The following WWTR1 variants were observed in gnomAD, a reference collection of about 807,000 sequenced individuals.
WWTR1 encodes the protein WW domain containing transcription regulator 1.
A neutral mutation model predicts 40.1 loss-of-function variants in WWTR1; 13 were observed. The observed-to-expected ratio is 0.32, with a 90% confidence interval of 0.21 to 0.52. WWTR1 has a LOEUF of 0.52. WWTR1 is among the 20% of genes least tolerant of loss of function. WWTR1 has a pLI of 0.97. For missense variants in WWTR1, 436 were observed against 523.1 expected (o/e 0.83, Z 1.63); for synonymous variants, 230 against 210.1 (o/e 1.09, Z -0.82).
intron 1 of WWTR1, among the ~76,000 whole-genome samples, chr3:149,685,457 C>T (rs1041064455): frequency 2.0e-5 from 3 of 152,170 alleles, no homozygotes; most frequent in Non-Finnish European, 4.4e-5. Flanking sequence ...CTGGCTGAGG[C>T]CCAGTGAAAC....
chr3:149,559,971 C>G (rs1271319492), intron 3 of WWTR1, among the ~76,000 whole-genome samples: 2 of 152,116 alleles, frequency 1.3e-5, no homozygotes, highest in Non-Finnish European at 2.9e-5. Context: ...GATAGCTGCC[C>G]CTGAGGACCA....
At position 149,695,788 on chromosome 3, in the gene WWTR1, G is replaced by GAAAA. The variant is rs200643602; in HGVS notation, c.-108+7332_-108+7335dup. On this transcript the variant is annotated intron_variant, in intron 1 of 7. Transcript: ENST00000465804. ...AAAAAAAAAAAACAAGAAAAGAAAA[G>GAAAA]AAAAAAATATATATATATATATTTA... 9.0e-4 allele frequency among the ~76,000 whole-genome samples: 117 copies of GAAAA among 129,806 alleles called. 1 individual carries two copies. Among genetic ancestry groups the GAAAA allele is most frequent in the Admixed American group, 6.0e-3 (67 of 11,078 alleles). 85.2% of individuals were successfully genotyped at this position (129,806 alleles called of 152,430 possible).
chr3:149,562,982 G>C (rs967017272), intron 3 of WWTR1, among the ~76,000 whole-genome samples: 2 of 152,042 alleles, frequency 1.3e-5, no homozygotes, highest in African/African-American at 4.8e-5. Context: ...TATCAATTTG[G>C]AACAAGTGGC....
chr3:149,618,302 A>T (rs562106375), intron 2 of WWTR1, among the ~76,000 whole-genome samples: 17 of 152,156 alleles, frequency 1.1e-4, no homozygotes, highest in Non-Finnish European at 2.5e-4. Context: ...CAGCCAACAG[A>T]TACATCCGGG....
intron 2 of WWTR1, among the ~76,000 whole-genome samples, chr3:149,632,191 G>A (rs1273838460): frequency 6.6e-6 from 1 of 152,124 alleles, no homozygotes; most frequent in Non-Finnish European, 1.5e-5. Flanking sequence ...GGGATTACGG[G>A]CGTGAGAGTA....
chr3:149,525,864 C>T, intron 6 of WWTR1, 149 bp downstream of exon 6: 2 of 455,382 alleles, frequency 4.4e-6, no homozygotes. Flanking sequence ...ATCACATAAC[C>T]ATGTAGCAAA....
chr3:149,536,511 C>T (rs1735842692), intron 4 of WWTR1, among the ~76,000 whole-genome samples: 1 of 151,910 alleles, frequency 6.6e-6, no homozygotes, highest in South Asian at 2.1e-4. Context: ...TTCCCCAGGC[C>T]AGTGCTGCTC....
intron 2 of WWTR1, among the ~76,000 whole-genome samples, chr3:149,654,806 A>C (rs962183549): frequency 1.3e-5 from 2 of 152,204 alleles, no homozygotes; most frequent in Admixed American, 6.5e-5. Context: ...GTGTGTATAT[A>C]TTCATAAACA....
At chr3:149,582,354 T>C (rs1576577453) in intron 2 of WWTR1, among the ~76,000 whole-genome samples, 4 of 152,294 alleles carry the variant, frequency 2.6e-5, no homozygotes, top group Admixed American at 2.6e-4. Context: ...TAAAGAACTT[T>C]GGCTGCGTTG....
At chr3:149,593,210 C>T (rs996153863) in intron 2 of WWTR1, among the ~76,000 whole-genome samples, 5 of 152,210 alleles carry the variant, frequency 3.3e-5, no homozygotes, top group African/African-American at 4.8e-5. Flanking sequence ...AGCCCCACAA[C>T]GTAGAATCGA....
At chr3:149,594,601 C>T (rs910277864) in intron 2 of WWTR1, among the ~76,000 whole-genome samples, 6 of 151,688 alleles carry the variant, frequency 4.0e-5, no homozygotes, top group East Asian at 3.9e-4. Flanking sequence ...CAGGTTAAGA[C>T]GAAAAACAAA....
At chr3:149,697,921 G>A (rs1353047767) in intron 1 of WWTR1, among the ~76,000 whole-genome samples, 1 of 152,246 alleles carries the variant, frequency 6.6e-6, no homozygotes, top group Non-Finnish European at 1.5e-5. Context: ...TGGAACCCAG[G>A]AGGGCAGGCA....
chr3:149,618,213 G>C (rs1294549648), intron 2 of WWTR1, among the ~76,000 whole-genome samples: 1 of 152,092 alleles, frequency 6.6e-6, no homozygotes, highest in East Asian at 1.9e-4. Flanking sequence ...TCGAAGGACT[G>C]AAGAACAGTA....
At chr3:149,635,415 T>C (rs1411885316) in intron 2 of WWTR1, among the ~76,000 whole-genome samples, 1 of 152,096 alleles carries the variant, frequency 6.6e-6, no homozygotes, top group Non-Finnish European at 1.5e-5. Flanking sequence ...TGGAGTAACG[T>C]ATTAAGATCT....
intron 1 of WWTR1, among the ~76,000 whole-genome samples, chr3:149,674,429 A>G (rs542430599): frequency 2.0e-4 from 30 of 151,898 alleles, no homozygotes; most frequent in Middle Eastern, 3.4e-3. Flanking sequence ...TCTACTAAAC[A>G]TACAAAAATT....
intron 2 of WWTR1, among the ~76,000 whole-genome samples, chr3:149,598,049 T>C (rs56288006): frequency 0.16 from 24,557 of 152,154 alleles, 4,726 homozygotes; most frequent in African/African-American, 0.44. Flanking sequence ...TGTTGTTGGT[T>C]AAGCTCAGGT....
intron 1 of WWTR1, among the ~76,000 whole-genome samples, chr3:149,691,676 A>G (rs1407692058): frequency 6.6e-6 from 1 of 152,012 alleles, no homozygotes. Context: ...TATGCCAGCA[A>G]AAAAAAACCT....
intron 3 of WWTR1, among the ~76,000 whole-genome samples, chr3:149,549,270 C>T (rs1325255172): frequency 3.3e-5 from 5 of 152,238 alleles, no homozygotes; most frequent in Non-Finnish European, 5.9e-5. Context: ...ACTACCTTGG[C>T]CAGGTGATCA....
At chr3:149,522,656 G>A (rs948707277) in intron 6 of WWTR1, among the ~76,000 whole-genome samples, 1 of 152,022 alleles carries the variant, frequency 6.6e-6, no homozygotes, top group Non-Finnish European at 1.5e-5. Flanking sequence ...TTCATCTCCA[G>A]TTAGAATCAT....
Sources: gnomAD v4.1 joint callset for allele counts (sites outside exome capture counted in the v4.1 genomes callset) on GRCh38, gnomAD v4.1.1 for gene constraint, MANE v1.5 for transcripts, NCBI Gene and HGNC (gene_info 2026-07-23, HGNC 2026-07-21) for gene names.